The following FOXP1 variants were observed in gnomAD, a reference collection of about 807,000 sequenced individuals.
The protein encoded by FOXP1 is forkhead box protein P1.
In FOXP1, 15 loss-of-function variants were observed where a neutral mutation model predicts 98.2. That is an observed-to-expected ratio of 0.15 (90% CI 0.10 to 0.24). The LOEUF (loss-of-function observed/expected upper bound fraction) is 0.24, where lower values mean the gene tolerates loss of function less well. Among genes scored for constraint, FOXP1 ranks in the 10% least tolerant of loss-of-function variants. The pLI, the probability that FOXP1 is intolerant of heterozygous loss-of-function variation, is 1.00. For synonymous variants in FOXP1, 371 were observed against 314.5 expected, an observed-to-expected ratio of 1.18 and a Z score of -1.90; for missense variants, 633 against 848.5, an observed-to-expected ratio of 0.75 and a Z score of 3.15.
intron 2 of FOXP1, among the ~76,000 whole-genome samples, chr3:71,521,114 TG>T (rs2042950355): frequency 6.6e-6 from 1 of 151,776 alleles, no homozygotes; most frequent in Non-Finnish European, 1.5e-5. Context: ...CTAGGTGGTG[TG>T]GGGGAGGGGG....
chr3:71,508,260 G>A (rs1438944127), intron 2 of FOXP1, among the ~76,000 whole-genome samples: 1 of 152,174 alleles, frequency 6.6e-6, no homozygotes, highest in East Asian at 1.9e-4. Context: ...CTTTGATTTG[G>A]TTTTTAGATT....
chr3:71,227,260 C>A (rs1478969889), intron 5 of FOXP1, among the ~76,000 whole-genome samples: 1 of 152,040 alleles, frequency 6.6e-6, no homozygotes, highest in Non-Finnish European at 1.5e-5. Context: ...CTCTAAGATT[C>A]GGAACACAAA....
At chr3:71,277,103 C>T (rs61486174) in intron 5 of FOXP1, among the ~76,000 whole-genome samples, 18,276 of 151,516 alleles carry the variant, frequency 0.12, 1,553 homozygotes, top group East Asian at 0.46. Context: ...GGAATACAGG[C>T]GCCCGCCACC....
At chr3:71,513,040 T>C (rs1455486904) in intron 2 of FOXP1, among the ~76,000 whole-genome samples, 1 of 152,120 alleles carries the variant, frequency 6.6e-6, no homozygotes, top group Non-Finnish European at 1.5e-5. Flanking sequence ...CCTGCTCCAG[T>C]AGCATTTACC....
At chr3:71,017,652 T>C (rs974535048) in intron 11 of FOXP1, among the ~76,000 whole-genome samples, 1 of 152,174 alleles carries the variant, frequency 6.6e-6, no homozygotes, top group Non-Finnish European at 1.5e-5. Context: ...TGATGGGTAA[T>C]AGTCTATCAC....
At chr3:71,310,003 T>G (rs942820664) in intron 4 of FOXP1, among the ~76,000 whole-genome samples, 4 of 152,250 alleles carry the variant, frequency 2.6e-5, no homozygotes. Flanking sequence ...AACTTATGAT[T>G]TGAAATGACT....
rs557180427 is a variant in FOXP1 at position 71,142,429 on chromosome 3, C to A, written c.181-29792G>T. Among the ~76,000 whole-genome samples, 3 of 152,264 alleles carry A rather than the reference C, an allele frequency of 2.0e-5. No individual in the cohort carries two copies. The South Asian group carries it at 6.2e-4, about 32-fold the overall frequency. On this transcript the variant is annotated intron_variant, in intron 6 of 20. Transcript: ENST00000649528. ...AAGAAAGGGAGATTATCTGAGTGGGCCTGATGGAATCACATGAACCCTTTC... is the reference window on the plus strand; with the variant it reads ...AAGAAAGGGAGATTATCTGAGTGGGACTGATGGAATCACATGAACCCTTTC...
intron 3 of FOXP1, among the ~76,000 whole-genome samples, chr3:71,468,466 G>A (rs965282140): frequency 2.6e-5 from 4 of 152,132 alleles, no homozygotes; most frequent in Admixed American, 2.0e-4. Context: ...TCTTCGACAC[G>A]TGATACCTTT....
chr3:71,112,770 A>T, intron 6 of FOXP1, 133 bp from the exon 7 acceptor site: 1 of 699,150 alleles, frequency 1.4e-6, no homozygotes. Flanking sequence ...GAAACAGCAA[A>T]TGAAACTTCC....
chr3:71,019,038 T>G (rs970913550), intron 11 of FOXP1, among the ~76,000 whole-genome samples: 2 of 152,204 alleles, frequency 1.3e-5, no homozygotes, highest in African/African-American at 4.8e-5. Flanking sequence ...TCGTTCTGTA[T>G]GAAGCATCAT....
At chr3:71,463,298 AG>A (rs2088331235) in intron 3 of FOXP1, among the ~76,000 whole-genome samples, 3 of 132,640 alleles carry the variant, frequency 2.3e-5, no homozygotes, top group African/African-American at 8.4e-5. Flanking sequence ...CGGGAGGCGG[AG>A]GTTGCAGTGA....
intron 7 of FOXP1, among the ~76,000 whole-genome samples, chr3:71,078,764 C>G (rs57192826): frequency 0.049 from 7,412 of 151,834 alleles, 609 homozygotes; most frequent in African/African-American, 0.17. Context: ...ACTGATGCAG[C>G]TAAAAAAGAG....
chr3:71,059,443 T>G (rs1332261202), intron 7 of FOXP1, among the ~76,000 whole-genome samples: 3 of 152,156 alleles, frequency 2.0e-5, no homozygotes, highest in East Asian at 1.9e-4. Flanking sequence ...TTGTTTTAGC[T>G]CTAATAAATA....
At chr3:71,071,647 C>T (rs2053247031) in intron 7 of FOXP1, among the ~76,000 whole-genome samples, 2 of 152,116 alleles carry the variant, frequency 1.3e-5, no homozygotes, top group East Asian at 1.9e-4. Flanking sequence ...CATCTTGGCT[C>T]ACTGCAACCT....
intron 6 of FOXP1, among the ~76,000 whole-genome samples, chr3:71,142,284 C>G (rs1054530861): frequency 1.3e-5 from 2 of 152,154 alleles, no homozygotes; most frequent in African/African-American, 4.8e-5. Context: ...TCTCAGGTGA[C>G]CCTTACATTC....
At chr3:71,251,176 T>A (rs2107055589) in intron 5 of FOXP1, among the ~76,000 whole-genome samples, 1 of 152,352 alleles carries the variant, frequency 6.6e-6, no homozygotes, top group East Asian at 1.9e-4. Flanking sequence ...AAAAATGTAC[T>A]TGCTACTCTC....
intron 7 of FOXP1, among the ~76,000 whole-genome samples, chr3:71,104,432 G>A (rs1057073072): frequency 3.3e-5 from 5 of 152,010 alleles, no homozygotes; most frequent in African/African-American, 4.8e-5. Context: ...TATTTTTTTC[G>A]TTAAGAAGAA....
At chr3:71,100,833 C>T (rs6797007) in intron 7 of FOXP1, among the ~76,000 whole-genome samples, 259 of 152,202 alleles carry the variant, frequency 1.7e-3, no homozygotes, top group African/African-American at 5.9e-3. Flanking sequence ...AACTTCTTCT[C>T]GGGACATCTA....
At chr3:71,467,783 T>C (rs142081154) in intron 3 of FOXP1, among the ~76,000 whole-genome samples, 8 of 152,316 alleles carry the variant, frequency 5.3e-5, no homozygotes, top group Non-Finnish European at 7.4e-5. Flanking sequence ...ACAAAGATCG[T>C]TGGATCTCCC....
Sources: allele counts gnomAD v4.1 joint callset (sites outside exome capture counted in the v4.1 genomes callset), GRCh38; gene constraint gnomAD v4.1.1; transcripts MANE v1.5; gene names NCBI Gene and HGNC (gene_info 2026-07-23, HGNC 2026-07-21).